The following UROS variants were observed in gnomAD, a reference collection of about 807,000 sequenced individuals.
The protein encoded by UROS is uroporphyrinogen-III synthase.
UROS carries 18 observed loss-of-function variants against 33.0 expected under a neutral mutation model. The observed-to-expected ratio is 0.55, with a 90% CI of 0.38 to 0.81. UROS has a LOEUF of 0.81. Ranked by LOEUF, UROS falls within the 30% of genes least tolerant of loss-of-function variation. The pLI is 0.00. For synonymous variants in UROS, 114 were observed against 121.1 expected, an observed-to-expected ratio of 0.94 and a Z score of 0.38; for missense variants, 293 against 314.9, an observed-to-expected ratio of 0.93 and a Z score of 0.53.
chr10:125,791,196 C>T, intron 9 of UROS, among the ~76,000 whole-genome samples: 1 of 152,016 alleles, frequency 6.6e-6, no homozygotes, highest in South Asian at 2.1e-4. Context: ...GAATAGATAT[C>T]TCTTTAAAGA....
intron 7 of UROS, among the ~76,000 whole-genome samples, 153 bp downstream of exon 7, chr10:125,797,912 A>T (rs74162860): frequency 2.0e-4 from 30 of 152,322 alleles, no homozygotes; most frequent in Non-Finnish European, 3.8e-4. Flanking sequence ...CACTCTTCCC[A>T]TGAGCATGGT....
At chr10:125,814,255 T>C (rs1038099493) in intron 4 of UROS, among the ~76,000 whole-genome samples, 10 of 152,200 alleles carry the variant, frequency 6.6e-5, no homozygotes, top group African/African-American at 2.4e-4. Flanking sequence ...AATGGCTGCA[T>C]AAACCCAGGA....
chr10:125,820,586 G>A (rs968483588), intron 1 of UROS, among the ~76,000 whole-genome samples: 3 of 152,168 alleles, frequency 2.0e-5, no homozygotes, highest in Non-Finnish European at 4.4e-5. Flanking sequence ...CCGTGATCCA[G>A]TCAAGATGAC....
chr10:125,820,370 C>T (rs1365560337), intron 1 of UROS, among the ~76,000 whole-genome samples: 1 of 152,152 alleles, frequency 6.6e-6, no homozygotes, highest in Non-Finnish European at 1.5e-5. Flanking sequence ...GAAGATATCC[C>T]AGATCAAGCA....
rs368704345 is a variant in UROS at position 125,795,026 on chromosome 10, G to C, written c.562-48C>G. 7.2e-6 allele frequency: 11 copies of C among 1,530,504 alleles called. No homozygotes were observed. The East Asian group carries it at 9.0e-5, about 13-fold the overall frequency. The allele number at this position is 1,530,504 out of a possible 1,614,324, so 94.8% of individuals were successfully genotyped here. A position where few individuals can be genotyped will look rare whatever the true frequency, so the allele number is the denominator to read the frequency against. ...TCAGTCCTTGCCATGAGACTGAGGA[G>C]AGACAACATTCCTCCGGCTTCATCC... On this transcript the variant is annotated intron_variant, in intron 8 of 9. Coordinates refer to ENST00000368797, the MANE Select transcript of UROS (RefSeq NM_000375.3).
intron 8 of UROS, among the ~76,000 whole-genome samples, chr10:125,795,681 T>C (rs1044763218): frequency 2.0e-5 from 3 of 152,198 alleles, no homozygotes; most frequent in East Asian, 1.9e-4. Context: ...GTATGATGAA[T>C]AGCAATGATA....
intron 8 of UROS, chr10:125,795,213 C>T: frequency 1.8e-6 from 1 of 562,982 alleles, no homozygotes; most frequent in African/African-American, 1.9e-5. Flanking sequence ...AGGTCTGTGT[C>T]TGCCTGGCCA....
rs531577675 is a variant in UROS, at chr10:125,804,336, C to T, written c.394+3077G>A. 5.3e-5 allele frequency among the ~76,000 whole-genome samples: 8 copies of T among 152,270 alleles called. No individual in the cohort carries two copies. The East Asian group carries it at 9.6e-4, about 18-fold the overall frequency. ...ACACATCCATGTGCCAGGAGGGTGGCGCACCCCAACTCCATGGGGGAAGAA... is the reference window on the plus strand; with the variant it reads ...ACACATCCATGTGCCAGGAGGGTGGTGCACCCCAACTCCATGGGGGAAGAA... On this transcript the variant is annotated intron_variant, in intron 6 of 9. Transcript: ENST00000368797.
chr10:125,800,491 C>G (rs1851752755), intron 6 of UROS, among the ~76,000 whole-genome samples: 1 of 152,090 alleles, frequency 6.6e-6, no homozygotes, highest in South Asian at 2.1e-4. Context: ...TGTGGTACCC[C>G]TGGTATTCAA....
chr10:125,810,889 C>T (rs1385594492), intron 5 of UROS, among the ~76,000 whole-genome samples: 2 of 152,184 alleles, frequency 1.3e-5, no homozygotes, highest in Non-Finnish European at 2.9e-5. Flanking sequence ...AAAGTTACAA[C>T]ACTTCTAATT....
intron 6 of UROS, among the ~76,000 whole-genome samples, chr10:125,806,330 T>C (rs1167718606): frequency 1.3e-5 from 2 of 152,138 alleles, no homozygotes; most frequent in Non-Finnish European, 2.9e-5. Context: ...TCTCTCCCTA[T>C]ACCACTCATC....
chr10:125,816,733 A>G, intron 1 of UROS: 1 of 599,140 alleles, frequency 1.7e-6, no homozygotes, highest in Non-Finnish European at 3.0e-6. Flanking sequence ...TTAGCAGTTG[A>G]TATCACTTGG....
At chr10:125,799,662 A>C (rs772732583) in intron 6 of UROS, among the ~76,000 whole-genome samples, 4 of 152,082 alleles carry the variant, frequency 2.6e-5, no homozygotes, top group Admixed American at 2.0e-4. Flanking sequence ...GCTTGTCTCT[A>C]TCTCTCCACC....
Position 125,815,137 on chromosome 10 carries a change from AC to A in UROS, c.148-8del. On this transcript the variant is annotated splice_polypyrimidine_tract_variant and splice_region_variant and intron_variant, in intron 3 of 9. Transcript: ENST00000368797. ...AATCTTCAGGATGAGAAAGCTGCAC[AC>A]CAAAAAGCAATAAAGACATTTTATA... is the stretch of plus-strand genomic sequence containing the variant. 6.2e-7 allele frequency: 1 copy of A among 1,614,068 alleles called. No individual in the cohort carries two copies. The highest frequency in any genetic ancestry group is 1.1e-5 in the South Asian group (1 of 91,046).
rs535466609 is a variant in UROS at position 125,793,014 on chromosome 10, C to T, written c.660+1866G>A. 64 of 152,404 alleles carry T rather than the reference C, an allele frequency of 4.2e-4. 1 individual carries two copies. Among genetic ancestry groups the T allele is most frequent in the African/African-American group, 1.5e-3 (64 of 41,554 alleles). The allele number at this position is 152,404 out of a possible 1,614,324, so 9.4% of individuals were successfully genotyped here. Reference sequence around the variant, plus strand: ...GTTAACTACTGGCAGGCAGGGTAATCAATCACTGTAGTAAGAGGCGAGGGG... The same window carrying T: ...GTTAACTACTGGCAGGCAGGGTAATTAATCACTGTAGTAAGAGGCGAGGGG... On this transcript the variant is annotated intron_variant, in intron 9 of 9. Transcript: ENST00000368797.
At chr10:125,813,018 C>T (rs1852949033) in intron 4 of UROS, among the ~76,000 whole-genome samples, 1 of 152,184 alleles carries the variant, frequency 6.6e-6, no homozygotes, top group South Asian at 2.1e-4. Flanking sequence ...ATTCCTCTAC[C>T]CTTTACATTA....
chr10:125,822,159 AC>A (rs1853980983), intron 1 of UROS, among the ~76,000 whole-genome samples: 1 of 152,020 alleles, frequency 6.6e-6, no homozygotes, highest in African/African-American at 2.4e-5. Flanking sequence ...AAGCTGATGA[AC>A]CCTGTTTCTC....
At chr10:125,790,418 A>G (rs572578512) in intron 9 of UROS, among the ~76,000 whole-genome samples, 2 of 152,360 alleles carry the variant, frequency 1.3e-5, no homozygotes, top group East Asian at 1.9e-4. Context: ...CACAAGAAAC[A>G]AAAGAAAAAA....
At chr10:125,792,099 C>T (rs1246752534) in intron 9 of UROS, 1 of 152,014 alleles carries the variant, frequency 6.6e-6, no homozygotes, top group Non-Finnish European at 1.5e-5. Context: ...TTTAAGTTTA[C>T]ATATTAAAAT....
Sources: gnomAD v4.1 joint callset for allele counts (sites outside exome capture counted in the v4.1 genomes callset) on GRCh38, gnomAD v4.1.1 for gene constraint, MANE v1.5 for transcripts, NCBI Gene and HGNC (gene_info 2026-07-23, HGNC 2026-07-21) for gene names.